The following TRPM1 variants were observed in gnomAD, a reference collection of about 807,000 sequenced individuals.
The protein encoded by TRPM1 is transient receptor potential cation channel subfamily M member 1.
In TRPM1, 113 loss-of-function variants were observed where a neutral mutation model predicts 149.4. The ratio of observed to expected loss-of-function variants is 0.76; its 90% CI spans 0.65 to 0.88. TRPM1 has a LOEUF of 0.88. TRPM1 is among the 40% of genes least tolerant of loss of function. The probability of loss-of-function intolerance (pLI) is 0.00; values close to 1 mark genes in which losing one functional copy is unlikely to be tolerated. For synonymous variants in TRPM1, 741 were observed against 759.5 expected (o/e 0.98, Z 0.40); for missense variants, 1,976 against 2,038.7 (o/e 0.97, Z 0.59).
chr15:31,088,709 G>C (rs1234249157), intron 1 of TRPM1, among the ~76,000 whole-genome samples: 3 of 151,870 alleles, frequency 2.0e-5, no homozygotes, highest in Admixed American at 6.6e-5. Flanking sequence ...GGGGGCCGTC[G>C]TATGAGATTG....
chr15:31,084,664 C>A, intron 1 of TRPM1, among the ~76,000 whole-genome samples: 1 of 146,008 alleles, frequency 6.8e-6, no homozygotes, highest in East Asian at 2.0e-4. Flanking sequence ...CTCTTTCTTT[C>A]TTTTTTCTTT....
chr15:31,104,973 G>A (rs892745786), upstream of TRPM1, among the ~76,000 whole-genome samples: 2 of 152,090 alleles, frequency 1.3e-5, no homozygotes, highest in African/African-American at 4.8e-5. Context: ...AACTTTCCCT[G>A]GGCAGATTTG....
chr15:31,065,589 GC>G (rs2034351175), intron 7 of TRPM1, among the ~76,000 whole-genome samples: 1 of 152,128 alleles, frequency 6.6e-6, no homozygotes, highest in African/African-American at 2.4e-5. Flanking sequence ...CAAGGATGAT[GC>G]CCCTTCAGGA....
chr15:31,149,719 CCG>C (rs963728699), intron 1 of TRPM1, among the ~76,000 whole-genome samples: 16 of 152,184 alleles, frequency 1.1e-4, no homozygotes, highest in South Asian at 2.1e-4. Context: ...CGGGGTTTCA[CCG>C]TGTTAGCCAG....
intron 11 of TRPM1, among the ~76,000 whole-genome samples, chr15:31,058,185 TAA>T (rs58340925): frequency 0.68 from 102,258 of 149,440 alleles, 34,988 homozygotes; most frequent in East Asian, 0.95. Context: ...TAAAAATACT[TAA>T]AAAAAAAAAA....
intron 1 of TRPM1, among the ~76,000 whole-genome samples, chr15:31,116,435 C>G (rs1596082567): frequency 6.6e-6 from 1 of 152,082 alleles, no homozygotes; most frequent in African/African-American, 2.4e-5. Context: ...CGGCGAAACC[C>G]CATCTCTACT....
intron 23 of TRPM1, among the ~76,000 whole-genome samples, chr15:31,030,357 CT>C: frequency 7.5e-6 from 1 of 133,932 alleles, no homozygotes; most frequent in Non-Finnish European, 1.5e-5. Flanking sequence ...TTCAACTGTC[CT>C]GGTAAATAGT....
intron 9 of TRPM1, among the ~76,000 whole-genome samples, chr15:31,062,110 G>A (rs1012325285): frequency 2.0e-5 from 3 of 152,174 alleles, no homozygotes; most frequent in African/African-American, 7.2e-5. Context: ...AGTCGCCATC[G>A]GAGATGCAAA....
intron 1 of TRPM1, among the ~76,000 whole-genome samples, chr15:31,089,138 A>T (rs980643060): frequency 3.9e-5 from 6 of 152,232 alleles, no homozygotes; most frequent in African/African-American, 1.4e-4. Context: ...TGGAAACTGA[A>T]GACAGGCTGC....
In TRPM1 at chr15:31,078,072, G is replaced by C. The variant is rs147912062; in HGVS notation, c.4-1088C>G. 1.6e-3 allele frequency among the ~76,000 whole-genome samples: 240 copies of C among 152,260 alleles called. 1 individual carries two copies. The highest frequency in any genetic ancestry group is 5.8e-3 in the African/African-American group (239 of 41,556). On this transcript the variant is annotated intron_variant, in intron 2 of 27. Coordinates refer to ENST00000256552, the MANE Select transcript of TRPM1 (RefSeq NM_001252024.2). ...TGACAATCCTGAGTCAGATCTTAGA[G>C]AAACCATGGCCGGCGGGAGCCTTGT...
intron 1 of TRPM1, among the ~76,000 whole-genome samples, chr15:31,089,052 A>G (rs911990495): frequency 1.3e-5 from 2 of 152,210 alleles, no homozygotes; most frequent in Non-Finnish European, 2.9e-5. Flanking sequence ...AAATCCAGTA[A>G]TTAGGATAAG....
Position 31,001,711 on chromosome 15 carries a change from CA to C in TRPM1, c.*110del. On this transcript the variant is annotated 3_prime_UTR_variant, in exon 28 of 28. Coordinates refer to ENST00000256552, the MANE Select transcript of TRPM1 (RefSeq NM_001252024.2). ...AAATTGTAAATCAAGTCTGAATTTC[CA>C]AAATTTTTTAAGGAAAATGTTTTTA... is the stretch of plus-strand genomic sequence containing the variant. The C allele has an allele frequency of 7.6e-7, 1 of 1,312,144 alleles. No homozygotes were observed. The highest frequency in any genetic ancestry group is 1.0e-6 in the Non-Finnish European group (1 of 969,584). The allele number at this position is 1,312,144 out of a possible 1,614,324, so 81.3% of individuals were successfully genotyped here.
Position 31,123,270 on chromosome 15 carries a change from G to A in TRPM1, c.54+37636C>T, listed in dbSNP as rs552490094. The stretch of plus-strand genomic sequence containing the variant: ...TAGGAGAAAATCCAGGAGACCTAGA[G>A]TTTGGCGATGACTTTTCAGATGCAA... On this transcript the variant is annotated intron_variant, in intron 1 of 26. Coordinates refer to the TRPM1 transcript ENST00000542188. Among the ~76,000 whole-genome samples the A allele has an allele frequency of 3.9e-5, 6 of 152,318 alleles. No homozygotes were observed. The South Asian group carries it at 1.2e-3, about 32-fold the overall frequency.
intron 1 of TRPM1, among the ~76,000 whole-genome samples, chr15:31,089,727 C>T (rs534091955): frequency 1.3e-5 from 2 of 152,316 alleles, no homozygotes; most frequent in African/African-American, 4.8e-5. Flanking sequence ...CTCTCCAAGG[C>T]CTGGAGCTTG....
chr15:31,103,355 A>G (rs2035552645), upstream of TRPM1, among the ~76,000 whole-genome samples: 2 of 152,342 alleles, frequency 1.3e-5, no homozygotes, highest in East Asian at 3.9e-4. Flanking sequence ...AGTGCTGGAA[A>G]CAGAGCCAGT....
chr15:31,031,440 C>A, intron 22 of TRPM1: 4 of 498,952 alleles, frequency 8.0e-6, no homozygotes, highest in South Asian at 3.0e-5. Context: ...TTAGTAACTA[C>A]AACTGCAAAT....
At chr15:31,121,029 C>G (rs952225322) in intron 1 of TRPM1, among the ~76,000 whole-genome samples, 2 of 151,880 alleles carry the variant, frequency 1.3e-5, no homozygotes, top group African/African-American at 4.8e-5. Context: ...AAGTTCAAGA[C>G]CAGCCTGGCC....
At position 31,032,304 on chromosome 15, in the gene TRPM1, C is replaced by T. The variant is rs543747171; in HGVS notation, c.2952+385G>A. On this transcript the variant is annotated intron_variant, in intron 22 of 27. Transcript: ENST00000256552. Reference sequence around the variant, plus strand: ...TAAATCAGAAGGAATAAAAAACAAACGTAATTAGTCACCCTACAGTTGAGA... The same window carrying T: ...TAAATCAGAAGGAATAAAAAACAAATGTAATTAGTCACCCTACAGTTGAGA... Among the ~76,000 whole-genome samples the T allele has an allele frequency of 4.0e-5, 6 of 151,800 alleles. No homozygotes were observed. In the South Asian group the frequency reaches 1.0e-3, roughly 26 times the overall value.
In TRPM1 at chr15:31,068,029, G is replaced by T. The variant is rs1205949006; in HGVS notation, c.343C>A (p.Gln115Lys). The T allele has an allele frequency of 6.2e-7, 1 of 1,614,230 alleles. No homozygotes were observed. ...ATTAAGAGCTTGGGGAGTTCCAGCTGCCAATCTTTCACCATGAGATGGAGC... is the reference window on the plus strand; with the variant it reads ...ATTAAGAGCTTGGGGAGTTCCAGCTTCCAATCTTTCACCATGAGATGGAGC... ...SLLHLMVKDW[Q>K]LELPKLLISV... The change falls in exon 5 of 28, where the codon CAG becomes AAG. Residue 115 changes from glutamine to lysine, a missense_variant. By Grantham distance (53) the Gln-to-Lys change is moderately conservative. Transcript: ENST00000256552.
Sources: allele counts gnomAD v4.1 joint callset (sites outside exome capture counted in the v4.1 genomes callset), GRCh38; gene constraint gnomAD v4.1.1; transcripts MANE v1.5; gene names NCBI Gene and HGNC (gene_info 2026-07-23, HGNC 2026-07-21).